The following MOB2 variants were observed in gnomAD, a reference collection of about 807,000 sequenced individuals.
MOB2 encodes MOB kinase activator 2.
A neutral mutation model predicts 27.4 loss-of-function variants in MOB2; 14 were observed. That is an observed-to-expected ratio of 0.51 (90% confidence interval 0.34 to 0.80). The LOEUF is 0.80. Ranked by LOEUF, MOB2 falls within the 30% of genes least tolerant of loss-of-function variation. The pLI, the probability that MOB2 is intolerant of heterozygous loss-of-function variation, is 0.01. For missense variants in MOB2, 304 were observed against 354.6 expected (o/e 0.86, Z 1.15); for synonymous variants, 167 against 151.8 (o/e 1.10, Z -0.74).
chr11:1,483,281 G>C (rs1249644920), intron 1 of MOB2, among the ~76,000 whole-genome samples: 2 of 152,188 alleles, frequency 1.3e-5, no homozygotes, highest in Non-Finnish European at 2.9e-5. Context: ...CAAGTCCTTC[G>C]ATGTGGAGGG....
At chr11:1,483,955 C>T (rs998920079) in intron 1 of MOB2, among the ~76,000 whole-genome samples, 3 of 152,230 alleles carry the variant, frequency 2.0e-5, no homozygotes, top group Non-Finnish European at 2.9e-5. Context: ...GTGCACACTG[C>T]TTCACAGGCA....
chr11:1,473,801 C>T (rs920839169), intron 3 of MOB2, among the ~76,000 whole-genome samples: 1 of 152,264 alleles, frequency 6.6e-6, no homozygotes, highest in Non-Finnish European at 1.5e-5. Context: ...TAACCACAAT[C>T]AGGACACGCG....
intron 1 of MOB2, among the ~76,000 whole-genome samples, chr11:1,482,974 T>C (rs1218779195): frequency 2.6e-5 from 4 of 152,170 alleles, no homozygotes; most frequent in African/African-American, 4.8e-5. Flanking sequence ...AGGCAGCCCA[T>C]TGCTCGGTCC....
intron 1 of MOB2, among the ~76,000 whole-genome samples, chr11:1,484,189 C>G (rs1303389984): frequency 2.0e-5 from 3 of 152,224 alleles, no homozygotes; most frequent in African/African-American, 7.2e-5. Flanking sequence ...CCTGTAGACC[C>G]TGAGGTGAGT....
In MOB2 at chr11:1,480,386, C is replaced by G. The variant is rs1305731261; in HGVS notation, c.365+7G>C. Reference sequence around the variant, plus strand: ...GAGAAAGTGGGCTGTAGCCAGGCAGCACTCACGTGTTGCACACGGCCATCG... The same window carrying G: ...GAGAAAGTGGGCTGTAGCCAGGCAGGACTCACGTGTTGCACACGGCCATCG... On this transcript the variant is annotated splice_region_variant and intron_variant, in intron 3 of 4. Coordinates refer to ENST00000329957, the MANE Select transcript of MOB2 (RefSeq NM_001172223.3). 1 of 1,612,900 alleles carries G rather than the reference C, an allele frequency of 6.2e-7. No homozygotes were observed. The highest frequency in any genetic ancestry group is 8.5e-7 in the Non-Finnish European group (1 of 1,179,446).
intron 1 of MOB2, among the ~76,000 whole-genome samples, chr11:1,483,101 C>G (rs564753366): frequency 1.1e-3 from 173 of 152,370 alleles, no homozygotes; most frequent in African/African-American, 3.8e-3. Context: ...CGGCGCCCCC[C>G]GCAGGCTCAC....
intron 1 of MOB2, among the ~76,000 whole-genome samples, chr11:1,485,739 C>T (rs1847962966): frequency 6.6e-6 from 1 of 151,908 alleles, no homozygotes; most frequent in Admixed American, 6.6e-5. Context: ...GTGCACACTC[C>T]CACACACACG....
At chr11:1,476,291 C>T (rs1332702606) in intron 3 of MOB2, among the ~76,000 whole-genome samples, 1 of 152,148 alleles carries the variant, frequency 6.6e-6, no homozygotes, top group Non-Finnish European at 1.5e-5. Context: ...TTCTTCTTAC[C>T]TTATGGCACT....
At position 1,486,716 on chromosome 11, in the gene MOB2, A is replaced by C. The variant is rs1044538788; in HGVS notation, c.-160T>G. Reference sequence around the variant, plus strand: ...CCCTTTCCAGAGGCAAGGGCTGGCCAAGGCTGGTGAAACGAGGGAGCGTCT... The same window carrying C: ...CCCTTTCCAGAGGCAAGGGCTGGCCCAGGCTGGTGAAACGAGGGAGCGTCT... On this transcript the variant is annotated 5_prime_UTR_variant, in exon 1 of 5. Transcript: ENST00000329957. 242 of 601,600 alleles carry C rather than the reference A, an allele frequency of 4.0e-4. 3 individuals carry two copies. The highest frequency in any genetic ancestry group is 1.3e-3 in the Middle Eastern group (3 of 2,290). 37.3% of individuals were successfully genotyped at this position (601,600 alleles called of 1,614,324 possible).
At position 1,470,412 on chromosome 11, in the gene MOB2, G is replaced by A; in HGVS notation, c.567C>T (p.Ile189=). The A allele has an allele frequency of 1.9e-6, 3 of 1,613,710 alleles. No individual in the cohort carries two copies. The highest frequency in any genetic ancestry group is 1.3e-5 in the African/African-American group (1 of 75,060). Residue 189 remains isoleucine, a synonymous_variant, in exon 5 of 5, where the codon ATC becomes ATT. Coordinates refer to ENST00000329957, the MANE Select transcript of MOB2 (RefSeq NM_001172223.3). ...CRHLFHVLAH[I]YWAHFKETLA... is the part of the protein sequence containing the mutation. The stretch of plus-strand genomic sequence containing the variant: ...GCGTCTCCTTGAAGTGGGCCCAGTA[G>A]ATGTGTGCCAGCACGTGGAACAGGT...
chr11:1,485,298 GCA>G (rs139647573), intron 1 of MOB2, among the ~76,000 whole-genome samples: 6 of 151,496 alleles, frequency 4.0e-5, no homozygotes, highest in Admixed American at 1.3e-4. Context: ...ACTGGCACAG[GCA>G]CACACACACA....
chr11:1,478,770 G>C (rs6578415), intron 3 of MOB2, among the ~76,000 whole-genome samples: 139,739 of 152,232 alleles, frequency 0.92, 64,296 homozygotes, highest in East Asian at 1. Context: ...CCCCTTTCTC[G>C]TCTCCCTAGG....
At chr11:1,476,692 T>C (rs747074219) in intron 3 of MOB2, among the ~76,000 whole-genome samples, 1 of 152,266 alleles carries the variant, frequency 6.6e-6, no homozygotes, top group African/African-American at 2.4e-5. Flanking sequence ...GAAACGTAGA[T>C]TACTGAAAGT....
chr11:1,476,079 A>G (rs1345490882), intron 3 of MOB2, among the ~76,000 whole-genome samples: 1 of 152,154 alleles, frequency 6.6e-6, no homozygotes, highest in African/African-American at 2.4e-5. Flanking sequence ...GGGCCGAGGG[A>G]GGAGGAGGCA....
rs1445762436 is a variant in MOB2, at chr11:1,480,466, T to C, written c.292A>G (p.Ile98Val). The C allele has an allele frequency of 3.1e-6, 5 of 1,613,666 alleles. No individual in the cohort carries two copies. The highest frequency in any genetic ancestry group is 4.5e-5 in the East Asian group (2 of 44,880). The change falls in exon 3 of 5, where the codon ATC (isoleucine) becomes GTC (valine). Residue 98 changes from isoleucine to valine, a missense_variant. By Grantham distance (29) the Ile-to-Val change is conservative. Transcript: ENST00000329957. ...GAGATGGTGCTATACTGCAGGTTGA[T>C]GTGGTGGAAAAACGTCGTGGCTGGA... ...ASNTTTFFHH[I>V]NLQYSTISEF...
rs780011226 is a variant in MOB2 at position 1,480,451 on chromosome 11, T to C, written c.307A>G (p.Ser103Gly). 1.2e-6 allele frequency: 2 copies of C among 1,613,874 alleles called. No individual in the cohort carries two copies. Among genetic ancestry groups the C allele is most frequent in the Non-Finnish European group, 1.7e-6 (2 of 1,179,878 alleles). Residue 103 changes from serine (S) to glycine (G), a missense_variant, in exon 3 of 5, where the codon AGC becomes GGC. Ser to Gly is a moderately conservative substitution (Grantham distance 56). Transcript: ENST00000329957. ...CCTGTGCAGAACTCGGAGATGGTGC[T>C]ATACTGCAGGTTGATGTGGTGGAAA... ...TFFHHINLQY[S>G]TISEFCTGET...
intron 1 of MOB2, among the ~76,000 whole-genome samples, chr11:1,484,366 C>T (rs535675440): frequency 2.0e-5 from 3 of 152,292 alleles, no homozygotes; most frequent in Admixed American, 6.5e-5. Flanking sequence ...GCAGGTGACG[C>T]CTCTGAGGAG....
rs1208935411 is a variant in MOB2, at chr11:1,486,536, A to T, written c.21T>A (p.Ser7Arg). 1 of 1,535,434 alleles carries T rather than the reference A, an allele frequency of 6.5e-7. No individual in the cohort carries two copies. The highest frequency in any genetic ancestry group is 2.0e-5 in the Admixed American group (1 of 50,988). Residue 7 changes from serine (S) to arginine (R), a missense_variant, in exon 1 of 5, where the codon AGT (serine) becomes AGA (arginine). Ser to Arg is a moderately radical substitution (Grantham distance 110). Transcript: ENST00000329957. ...CGGGCCGGGCTTGGTCTTCAGGGAG[A>T]CTGCAGTGGTCTCCCAGCATGAGTG... MLGDHCSLPEDQARPGQ... is the reference protein window; with the variant it reads MLGDHCRLPEDQARPGQ...
At chr11:1,470,570 G>A in intron 4 of MOB2, 82 bp from the exon 5 acceptor site, 15 of 1,475,606 alleles carry the variant, frequency 1.0e-5, no homozygotes, top group East Asian at 2.4e-5. Context: ...AGCCTGGTGG[G>A]TCTGGTACCT....
Sources: allele counts gnomAD v4.1 joint callset (sites outside exome capture counted in the v4.1 genomes callset), GRCh38; gene constraint gnomAD v4.1.1; transcripts MANE v1.5; gene names NCBI Gene and HGNC (gene_info 2026-07-23, HGNC 2026-07-21).